IL22: variants seen among roughly 807,000 people sequenced by gnomAD.
IL22 encodes the protein interleukin-22.
IL22 carries 15 observed loss-of-function variants against 15.5 expected under a neutral mutation model. The observed-to-expected ratio is 0.97, with a 90% confidence interval of 0.65 to 1.49. The LOEUF (loss-of-function observed/expected upper bound fraction) is 1.49, where lower values mean the gene tolerates loss of function less well. Ranked by LOEUF, IL22 falls within the 40% of genes most tolerant of loss-of-function variation. IL22 has a pLI of 0.00. For synonymous variants in IL22, 91 were observed against 82.0 expected (o/e 1.11, Z -0.60); for missense variants, 225 against 215.4 (o/e 1.04, Z -0.28).
Position 68,253,357 on chromosome 12 carries a change from C to T in IL22, c.92G>A (p.Gly31Glu), listed in dbSNP as rs752668865. 3 of 1,613,676 alleles carry T rather than the reference C, an allele frequency of 1.9e-6. No individual in the cohort carries two copies. Among genetic ancestry groups the T allele is most frequent in the Non-Finnish European group, 2.5e-6 (3 of 1,179,740 alleles). The change falls in exon 2 of 6, where the codon GGA becomes GAA. Residue 31 changes from glycine (G) to glutamate (E), a missense_variant. Physicochemically the swap from Gly to Glu is moderately conservative, Grantham distance 98. Coordinates refer to ENST00000538666, the MANE Select transcript of IL22 (RefSeq NM_020525.5). ...LLLLALLVQG[G>E]AAAPISSHCR... ...GTGGGAGCTGATGGGCGCAGCTGCT[C>T]CTCCCTGTACCAAGAGGGCCAAGAG... is the stretch of plus-strand genomic sequence containing the variant.
Position 68,248,804 on chromosome 12 carries a change from T to G in IL22, c.535A>C (p.Ile179Leu). The G allele has an allele frequency of 6.2e-7, 1 of 1,611,618 alleles. No homozygotes were observed. The highest frequency in any genetic ancestry group is 8.5e-7 in the Non-Finnish European group (1 of 1,178,082). Residue 179 changes from isoleucine to leucine, a missense_variant, in exon 6 of 6, where the codon ATT (isoleucine) becomes CTT (leucine). Transcript: ENST00000538666. ...ATTTTTCAGCTTTGCTCTGGTCAAA[T>G]GCAGGCATTTCTCAGAGACATAAAC... ...LLFMSLRNAC[I>L]
At chr12:68,250,668 C>A (rs1019141143) in intron 5 of IL22, among the ~76,000 whole-genome samples, 2 of 152,102 alleles carry the variant, frequency 1.3e-5, no homozygotes, top group Admixed American at 1.3e-4. Context: ...GTTCTTTTCA[C>A]CAAATAGGCC....
chr12:68,248,899 G>C, intron 5 of IL22, 23 bp from the exon 6 acceptor site: 2 of 1,578,198 alleles, frequency 1.3e-6, no homozygotes, highest in Non-Finnish European at 1.7e-6. Flanking sequence ...GAATGCAAAA[G>C]TATTTGAGCA....
Position 68,248,400 on chromosome 12 carries a change from C to T in IL22, c.*399G>A, listed in dbSNP as rs925081954. ...TAAAATGATATAAATAAAATGCAGT[C>T]TTATAATAATAATAAATACATTTAT... On this transcript the variant is annotated 3_prime_UTR_variant, in exon 6 of 6. Transcript: ENST00000538666. 1.3e-5 allele frequency: 2 copies of T among 151,698 alleles called. No homozygotes were observed. The highest frequency in any genetic ancestry group is 2.9e-5 in the Non-Finnish European group (2 of 68,100). 9.4% of individuals were successfully genotyped at this position (151,698 alleles called of 1,614,324 possible).
intron 4 of IL22, 146 bp downstream of exon 4, chr12:68,252,358 C>T (rs1869960883): frequency 1.3e-6 from 1 of 757,120 alleles, no homozygotes; most frequent in Non-Finnish European, 2.1e-6. Flanking sequence ...CTCTATGATC[C>T]CAAATGACTC....
Position 68,252,838 on chromosome 12 carries a change from G to A in IL22, c.187-9C>T, listed in dbSNP as rs1463779578. The A allele has an allele frequency of 6.2e-7, 1 of 1,613,008 alleles. No homozygotes were observed. Among genetic ancestry groups the A allele is most frequent in the South Asian group, 1.1e-5 (1 of 91,040 alleles). Reference sequence around the variant, plus strand: ...TTATCAGCCAAGCTAGCCTGGAAGAGAAGAAAAGACTAAGGGTCTGGACAT... The same window carrying A: ...TTATCAGCCAAGCTAGCCTGGAAGAAAAGAAAAGACTAAGGGTCTGGACAT... On this transcript the variant is annotated splice_polypyrimidine_tract_variant and intron_variant, in intron 2 of 5. Coordinates refer to ENST00000538666, the MANE Select transcript of IL22 (RefSeq NM_020525.5).
chr12:68,251,445 G>T (rs930552190), intron 5 of IL22, 68 bp downstream of exon 5: 27 of 1,158,738 alleles, frequency 2.3e-5, no homozygotes, highest in African/African-American at 4.5e-5. Context: ...TGGGAAGAAA[G>T]AAAGGAAAGA....
At position 68,248,786 on chromosome 12, in the gene IL22, A is replaced by C. The variant is rs762305757; in HGVS notation, c.*13T>G. 5 of 1,602,202 alleles carry C rather than the reference A, an allele frequency of 3.1e-6. No homozygotes were observed. In the Admixed American group the frequency reaches 8.4e-5, roughly 27 times the overall value. On this transcript the variant is annotated 3_prime_UTR_variant, in exon 6 of 6. Coordinates refer to ENST00000538666, the MANE Select transcript of IL22 (RefSeq NM_020525.5). Reference sequence around the variant, plus strand: ...AAAGGGGGTTAGTTATTCATTTTTCAGCTTTGCTCTGGTCAAATGCAGGCA... The same window carrying C: ...AAAGGGGGTTAGTTATTCATTTTTCCGCTTTGCTCTGGTCAAATGCAGGCA...
intron 5 of IL22, among the ~76,000 whole-genome samples, chr12:68,250,057 C>T (rs138254062): frequency 6.6e-6 from 1 of 152,284 alleles, no homozygotes; most frequent in Admixed American, 6.5e-5. Context: ...ACAGCTCTGA[C>T]AGTTTCTCCT....
rs1869810573 is a variant in IL22 at position 68,248,431 on chromosome 12, T to C, written c.*368A>G. The C allele has an allele frequency of 6.5e-6, 1 of 153,770 alleles. No individual in the cohort carries two copies. Among genetic ancestry groups the C allele is most frequent in the African/African-American group, 2.4e-5 (1 of 41,472 alleles). The allele number at this position is 153,770 out of a possible 1,614,324, so 9.5% of individuals were successfully genotyped here. Reference sequence around the variant, plus strand: ...ATAATAATAAATACATTTATAAATATAAAGTACTGATTATGGAAACATGAA... The same window carrying C: ...ATAATAATAAATACATTTATAAATACAAAGTACTGATTATGGAAACATGAA... On this transcript the variant is annotated 3_prime_UTR_variant, in exon 6 of 6. Transcript: ENST00000538666.
At chr12:68,252,461 G>A in intron 4 of IL22, 43 bp downstream of exon 4, 2 of 1,604,760 alleles carry the variant, frequency 1.2e-6, no homozygotes, top group Non-Finnish European at 1.7e-6. Flanking sequence ...TGTGGAAGGA[G>A]GGAAGGAGGG....
intron 2 of IL22, 87 bp downstream of exon 2, chr12:68,253,175 AG>A (rs1398496225): frequency 8.6e-6 from 10 of 1,157,088 alleles, no homozygotes; most frequent in Non-Finnish European, 1.1e-5. Context: ...GGGTTCCTAA[AG>A]CTCTTAGAGA....
chr12:68,253,128 A>G, intron 2 of IL22, 135 bp downstream of exon 2: 1 of 762,660 alleles, frequency 1.3e-6, no homozygotes, highest in Non-Finnish European at 2.0e-6. Flanking sequence ...AGTCTCTGAA[A>G]AAACAGAAAA....
intron 2 of IL22, among the ~76,000 whole-genome samples, chr12:68,253,049 C>T (rs1592915256): frequency 6.8e-6 from 1 of 147,024 alleles, no homozygotes; most frequent in East Asian, 2.0e-4. Flanking sequence ...AAAAATTCAT[C>T]ATATGTATCA....
rs1869823598 is a variant in IL22 at position 68,248,789 on chromosome 12, T to C, written c.*10A>G. 1 of 1,608,750 alleles carries C rather than the reference T, an allele frequency of 6.2e-7. No homozygotes were observed. The highest frequency in any genetic ancestry group is 8.5e-7 in the Non-Finnish European group (1 of 1,175,794). ...GGGGGTTAGTTATTCATTTTTCAGC[T>C]TTGCTCTGGTCAAATGCAGGCATTT... is the stretch of plus-strand genomic sequence containing the variant. On this transcript the variant is annotated 3_prime_UTR_variant, in exon 6 of 6. Transcript: ENST00000538666.
chr12:68,251,091 G>GCCT (rs1276791134), intron 5 of IL22, among the ~76,000 whole-genome samples: 2 of 152,200 alleles, frequency 1.3e-5, no homozygotes, highest in East Asian at 1.9e-4. Flanking sequence ...TTTGCCCATA[G>GCCT]GCATTTTTCT....
chr12:68,248,795 C>G lies in IL22; in HGVS notation c.*4G>C. ...TAGTTATTCATTTTTCAGCTTTGCTCTGGTCAAATGCAGGCATTTCTCAGA... is the reference window on the plus strand; with the variant it reads ...TAGTTATTCATTTTTCAGCTTTGCTGTGGTCAAATGCAGGCATTTCTCAGA... On this transcript the variant is annotated 3_prime_UTR_variant, in exon 6 of 6. Transcript: ENST00000538666. The G allele has an allele frequency of 1.2e-6, 2 of 1,610,172 alleles. No homozygotes were observed. Among genetic ancestry groups the G allele is most frequent in the Admixed American group, 1.7e-5 (1 of 59,850 alleles).
intron 2 of IL22, 52 bp downstream of exon 2, chr12:68,253,211 T>A: frequency 6.7e-7 from 1 of 1,485,946 alleles, no homozygotes; most frequent in Non-Finnish European, 9.2e-7. Context: ...GTTTAAGAAC[T>A]ATTTGGATTC....
At position 68,248,737 on chromosome 12, in the gene IL22, ATCT is replaced by A; in HGVS notation, c.*59_*61del. The A allele has an allele frequency of 7.3e-7, 1 of 1,361,578 alleles. No individual in the cohort carries two copies. Among genetic ancestry groups the A allele is most frequent in the South Asian group, 1.2e-5 (1 of 81,562 alleles). 84.3% of individuals were successfully genotyped at this position (1,361,578 alleles called of 1,614,324 possible). On this transcript the variant is annotated 3_prime_UTR_variant, in exon 6 of 6. Transcript: ENST00000538666. ...TGGTTAAAAAAAATCGCTTTGGGGC[ATCT>A]AATTGTTATTTCTAGCAGGGAAAGG...
Sources: gnomAD v4.1 joint callset for allele counts (sites outside exome capture counted in the v4.1 genomes callset) on GRCh38, gnomAD v4.1.1 for gene constraint, MANE v1.5 for transcripts, NCBI Gene and HGNC (gene_info 2026-07-23, HGNC 2026-07-21) for gene names.